The following NCKAP5 variants were observed in gnomAD, a reference collection of about 807,000 sequenced individuals.
NCKAP5 encodes the protein NCK associated protein 5.
In NCKAP5, 92 loss-of-function variants were observed where a neutral mutation model predicts 167.0. The ratio of observed to expected loss-of-function variants is 0.55; its 90% CI spans 0.47 to 0.66. NCKAP5 has a LOEUF of 0.66. NCKAP5 is among the 30% of genes least tolerant of loss of function. The probability of loss-of-function intolerance (pLI) is 0.00; values close to 1 mark genes in which losing one functional copy is unlikely to be tolerated. For missense variants in NCKAP5, 2,378 were observed against 2,315.0 expected (o/e 1.03, Z -0.56); for synonymous variants, 891 against 877.4 (o/e 1.02, Z -0.27).
chr2:133,243,117 A>G (rs1418401355), intron 4 of NCKAP5, among the ~76,000 whole-genome samples: 1 of 152,148 alleles, frequency 6.6e-6, no homozygotes, highest in East Asian at 1.9e-4. Flanking sequence ...TATTTTTTAA[A>G]AAGGCTAGGA....
chr2:132,972,277 T>TCATAACATCACTAACAATCA, intron 7 of NCKAP5, among the ~76,000 whole-genome samples: 1 of 152,186 alleles, frequency 6.6e-6, no homozygotes, highest in East Asian at 1.9e-4. Context: ...GCTCACTATC[T>TCATAACATCACTAACAATCA]TATGATTGTT....
intron 4 of NCKAP5, among the ~76,000 whole-genome samples, chr2:133,247,960 C>T (rs80192542): frequency 2.0e-5 from 3 of 152,176 alleles, no homozygotes; most frequent in Non-Finnish European, 4.4e-5. Flanking sequence ...AGTCTCCCTG[C>T]CAATGAGGTC....
chr2:133,655,745 A>G, the NCKAP5 span, among the ~76,000 whole-genome samples: 7 of 152,240 alleles, frequency 4.6e-5, no homozygotes, highest in African/African-American at 1.7e-4. Flanking sequence ...GCAGCTGCTG[A>G]AACTTAGTAG....
chr2:133,115,822 T>TCACACACACACACACACACACACA (rs141741244), intron 6 of NCKAP5, among the ~76,000 whole-genome samples: 4 of 122,932 alleles, frequency 3.3e-5, no homozygotes, highest in African/African-American at 8.8e-5. Context: ...TATATAGTGT[T>TCACACACACACACACACACACACA]CACACACACA....
At chr2:132,800,206 G>C (rs569403978) in intron 11 of NCKAP5, among the ~76,000 whole-genome samples, 29 of 152,274 alleles carry the variant, frequency 1.9e-4, no homozygotes, top group African/African-American at 7.0e-4. Context: ...GACCTCTTAA[G>C]AGGAGCCCCC....
chr2:132,746,937 A>T (rs944329473), intron 16 of NCKAP5, among the ~76,000 whole-genome samples: 1 of 152,154 alleles, frequency 6.6e-6, no homozygotes, highest in African/African-American at 2.4e-5. Context: ...CACTGATATA[A>T]AGCAGACCAG....
chr2:133,107,306 G>T (rs529073027), intron 6 of NCKAP5, among the ~76,000 whole-genome samples: 4 of 152,130 alleles, frequency 2.6e-5, no homozygotes, highest in Non-Finnish European at 4.4e-5. Context: ...GCTGCATGTC[G>T]AGTCATGGTC....
chr2:133,453,600 A>G (rs1219794884), intron 3 of NCKAP5, among the ~76,000 whole-genome samples: 3 of 152,156 alleles, frequency 2.0e-5, no homozygotes. Flanking sequence ...TCAGTGGAAC[A>G]TGATGTAGCC....
intron 8 of NCKAP5, chr2:132,954,754 T>C (rs1341968716): frequency 4.5e-6 from 2 of 447,706 alleles, no homozygotes; most frequent in African/African-American, 2.0e-5. Context: ...ATTCCAGCCA[T>C]TTCTGATTAG....
At chr2:132,689,559 T>C (rs1686450990) in intron 19 of NCKAP5, among the ~76,000 whole-genome samples, 1 of 152,202 alleles carries the variant, frequency 6.6e-6, no homozygotes, top group Non-Finnish European at 1.5e-5. Flanking sequence ...TCAGAGTTCA[T>C]TGCTTCAGTG....
intron 6 of NCKAP5, among the ~76,000 whole-genome samples, chr2:133,112,490 T>G (rs1357356845): frequency 6.6e-6 from 1 of 150,672 alleles, no homozygotes; most frequent in Non-Finnish European, 1.5e-5. Context: ...AAAAAAAGTA[T>G]GCTGTTCACT....
At chr2:133,474,152 CTA>C (rs1553649190) in intron 3 of NCKAP5, among the ~76,000 whole-genome samples, 1 of 119,656 alleles carries the variant, frequency 8.4e-6, no homozygotes, top group Non-Finnish European at 1.5e-5. Flanking sequence ...ATCTATCTAT[CTA>C]TACACACACA....
intron 3 of NCKAP5, among the ~76,000 whole-genome samples, chr2:133,429,337 G>A (rs1441878451): frequency 6.6e-6 from 1 of 151,974 alleles, no homozygotes; most frequent in African/African-American, 2.4e-5. Flanking sequence ...TGCAGTACAT[G>A]TGCAGGTTTG....
intron 11 of NCKAP5, among the ~76,000 whole-genome samples, chr2:132,818,757 G>A (rs1004729609): frequency 6.6e-6 from 1 of 152,176 alleles, no homozygotes; most frequent in African/African-American, 2.4e-5. Flanking sequence ...CCAAAATTCA[G>A]TATTTCCTTC....
chr2:132,898,908 T>C (rs1693410702), intron 8 of NCKAP5, among the ~76,000 whole-genome samples: 1 of 152,222 alleles, frequency 6.6e-6, no homozygotes, highest in Non-Finnish European at 1.5e-5. Flanking sequence ...ATTTTTCAAA[T>C]GGTATATGAG....
chr2:133,470,754 G>T (rs1412973917), intron 3 of NCKAP5, among the ~76,000 whole-genome samples: 2 of 152,236 alleles, frequency 1.3e-5, no homozygotes, highest in Non-Finnish European at 2.9e-5. Context: ...ACAGTATTCA[G>T]GTGGGAGTGA....
chr2:133,360,953 A>C (rs1417119807), intron 3 of NCKAP5, among the ~76,000 whole-genome samples: 1 of 151,044 alleles, frequency 6.6e-6, no homozygotes, highest in East Asian at 2.0e-4. Flanking sequence ...AAAAAAAAAA[A>C]GTACTAGCAT....
At chr2:133,460,336 T>C (rs1323774996) in intron 3 of NCKAP5, among the ~76,000 whole-genome samples, 1 of 152,200 alleles carries the variant, frequency 6.6e-6, no homozygotes, top group Non-Finnish European at 1.5e-5. Flanking sequence ...TACCTGATTT[T>C]AGAATTAATG....
intron 3 of NCKAP5, among the ~76,000 whole-genome samples, chr2:133,387,985 C>T (rs1295428502): frequency 2.6e-5 from 4 of 152,106 alleles, no homozygotes; most frequent in South Asian, 2.1e-4. Context: ...GCGATGGGTT[C>T]GATCTTCCTC....
Sources: gnomAD v4.1 joint callset for allele counts (sites outside exome capture counted in the v4.1 genomes callset) on GRCh38, gnomAD v4.1.1 for gene constraint, MANE v1.5 for transcripts, NCBI Gene and HGNC (gene_info 2026-07-23, HGNC 2026-07-21) for gene names.